The following ERC1 variants were observed in gnomAD, a reference collection of about 807,000 sequenced individuals.
ERC1 encodes the protein ELKS/RAB6-interacting/CAST family member 1, also known as RAB6 interacting protein 2.
ERC1 carries 56 observed loss-of-function variants against 132.0 expected under a neutral mutation model. That is an observed-to-expected ratio of 0.42 (90% CI 0.34 to 0.53). ERC1 has a LOEUF of 0.53. ERC1 is among the 20% of genes least tolerant of loss of function. ERC1 has a pLI of 0.03. For missense variants in ERC1, 1,202 were observed against 1,349.9 expected (o/e 0.89, Z 1.72); for synonymous variants, 478 against 476.1 (o/e 1.00, Z -0.05).
At chr12:1,429,092 A>G (rs73028364) in intron 17 of ERC1, among the ~76,000 whole-genome samples, 9,068 of 152,216 alleles carry the variant, frequency 0.06, 391 homozygotes, top group African/African-American at 0.11. Flanking sequence ...TGTTAGCAAA[A>G]CTTCATTTCT....
rs5795961 is a variant in ERC1 at position 1,143,585 on chromosome 12, C to CTT, written c.1737+1809_1737+1810dup. On this transcript the variant is annotated intron_variant, in intron 8 of 18. Transcript: ENST00000360905. ...CGTTTCTTTTTCAGAAGTGCCCTAGCTTTTTTTTTTTTCTTGGCTATTTTT... is the reference window on the plus strand; with the variant it reads ...CGTTTCTTTTTCAGAAGTGCCCTAGCTTTTTTTTTTTTTTCTTGGCTATTTTT... 2.6e-3 allele frequency among the ~76,000 whole-genome samples: 379 copies of CTT among 143,414 alleles called. 2 individuals are homozygous for CTT. The highest frequency in any genetic ancestry group is 8.8e-3 in the African/African-American group (348 of 39,586). 94.1% of individuals were successfully genotyped at this position (143,414 alleles called of 152,430 possible).
At chr12:1,381,631 A>G (rs76101943) in intron 16 of ERC1, among the ~76,000 whole-genome samples, 5,334 of 152,300 alleles carry the variant, frequency 0.035, 120 homozygotes, top group South Asian at 0.087. Flanking sequence ...CATTACAAAC[A>G]CTAAGATCAA....
chr12:1,319,387 C>G (rs1043178034), intron 15 of ERC1, among the ~76,000 whole-genome samples: 4 of 152,140 alleles, frequency 2.6e-5, no homozygotes, highest in Non-Finnish European at 5.9e-5. Context: ...TTCTCATTCA[C>G]TCACCCCCAA....
intron 1 of ERC1, among the ~76,000 whole-genome samples, chr12:1,005,692 TA>T (rs1592636988): frequency 6.6e-6 from 1 of 152,260 alleles, no homozygotes; most frequent in East Asian, 1.9e-4. Flanking sequence ...CAGCAGTTCT[TA>T]TCTGGTTTCC....
intron 18 of ERC1, among the ~76,000 whole-genome samples, chr12:1,453,152 G>A (rs1482546978): frequency 6.6e-6 from 1 of 152,116 alleles, no homozygotes; most frequent in African/African-American, 2.4e-5. Context: ...TCCAGTCTTG[G>A]TCTTGGTACT....
intron 12 of ERC1, among the ~76,000 whole-genome samples, chr12:1,211,962 G>T (rs1957922468): frequency 6.6e-6 from 1 of 151,072 alleles, no homozygotes; most frequent in African/African-American, 2.5e-5. Flanking sequence ...AACCATAGTA[G>T]CTTGCTTATT....
chr12:1,011,444 G>A (rs1343831742), intron 1 of ERC1, among the ~76,000 whole-genome samples: 1 of 152,130 alleles, frequency 6.6e-6, no homozygotes, highest in Admixed American at 6.6e-5. Flanking sequence ...AGGCTCAAGC[G>A]ATCTGTCTAC....
At chr12:1,396,647 A>G (rs1303386439) in intron 16 of ERC1, among the ~76,000 whole-genome samples, 3 of 152,338 alleles carry the variant, frequency 2.0e-5, no homozygotes, top group Middle Eastern at 3.4e-3. Context: ...GGTTGAGCTC[A>G]TGTGAGAGAA....
chr12:1,281,713 G>A (rs1467196394), intron 14 of ERC1, among the ~76,000 whole-genome samples: 2 of 152,144 alleles, frequency 1.3e-5, no homozygotes, highest in Non-Finnish European at 2.9e-5. Context: ...GATGTAGGCT[G>A]ACTTAAAAAT....
intron 14 of ERC1, among the ~76,000 whole-genome samples, 152 bp from the exon 15 acceptor site, chr12:1,289,698 TAC>T (rs534682114): frequency 6.6e-6 from 1 of 152,204 alleles, no homozygotes; most frequent in African/African-American, 2.4e-5. Context: ...TCTTGATATA[TAC>T]ACACACATAA....
At chr12:1,060,520 G>A (rs556946525) in intron 2 of ERC1, among the ~76,000 whole-genome samples, 80 of 152,070 alleles carry the variant, frequency 5.3e-4, no homozygotes, top group South Asian at 3.1e-3. Context: ...CATTTTTTAC[G>A]GCTGCATAGT....
chr12:1,103,228 G>A lies in ERC1; in HGVS notation c.1087-1522G>A, dbSNP rs191453158. Among the ~76,000 whole-genome samples, 512 of 152,338 alleles carry A rather than the reference G, an allele frequency of 3.4e-3. 4 individuals carry two copies. The highest frequency in any genetic ancestry group is 0.012 in the African/African-American group (481 of 41,574). ...TCTTCCCCTAGCAGCTTGTGCAAAG[G>A]GCTTAAGGATCAGGAGCATGCTTAG... On this transcript the variant is annotated intron_variant, in intron 3 of 18. Coordinates refer to ENST00000360905, the MANE Select transcript of ERC1 (RefSeq NM_178040.4).
intron 18 of ERC1, among the ~76,000 whole-genome samples, chr12:1,486,368 TTTTTC>T (rs2094215379): frequency 6.6e-6 from 1 of 152,134 alleles, no homozygotes; most frequent in Non-Finnish European, 1.5e-5. Context: ...TTCTTGTTTT[TTTTTC>T]TTTATTTTCG....
In ERC1 at chr12:1,479,095, A is replaced by G. The variant is rs537351234; in HGVS notation, c.3214-10998A>G. 1.3e-3 allele frequency among the ~76,000 whole-genome samples: 201 copies of G among 152,308 alleles called. 1 individual carries two copies. Among genetic ancestry groups the G allele is most frequent in the African/African-American group, 4.6e-3 (193 of 41,578 alleles). On this transcript the variant is annotated intron_variant, in intron 18 of 18. Coordinates refer to ENST00000360905, the MANE Select transcript of ERC1 (RefSeq NM_178040.4). ...TTTCCCAGTGCACAGTCAAGTGGCC[A>G]TATACGTGTAGGGTTTTTCCGTGTT...
intron 2 of ERC1, among the ~76,000 whole-genome samples, chr12:1,049,889 A>G (rs1971642105): frequency 2.0e-5 from 3 of 151,670 alleles, no homozygotes; most frequent in Admixed American, 6.6e-5. Context: ...ATTTACAGGC[A>G]TGTGCCACCA....
At chr12:1,317,391 C>CAG (rs111321249) in intron 15 of ERC1, among the ~76,000 whole-genome samples, 5,246 of 151,988 alleles carry the variant, frequency 0.035, 97 homozygotes, top group Middle Eastern at 0.075. Flanking sequence ...ACATCACACA[C>CAG]GGCCTGTCGG....
intron 2 of ERC1, among the ~76,000 whole-genome samples, chr12:1,073,776 C>T (rs1043488630): frequency 1.9e-4 from 29 of 152,136 alleles, no homozygotes; most frequent in African/African-American, 6.5e-4. Flanking sequence ...TGACTGTCAA[C>T]GCATTAGGTT....
At chr12:1,255,337 G>A (rs1361374845) in intron 13 of ERC1, among the ~76,000 whole-genome samples, 1 of 152,126 alleles carries the variant, frequency 6.6e-6, no homozygotes, top group Non-Finnish European at 1.5e-5. Flanking sequence ...GCTTAATCCA[G>A]TCTATCGCTG....
intron 16 of ERC1, among the ~76,000 whole-genome samples, chr12:1,399,158 C>T (rs975823943): frequency 2.6e-5 from 4 of 151,628 alleles, no homozygotes; most frequent in Non-Finnish European, 5.9e-5. Context: ...GGTTATGTTG[C>T]CCAGGCTGGT....
Sources: gnomAD v4.1 joint callset for allele counts (sites outside exome capture counted in the v4.1 genomes callset) on GRCh38, gnomAD v4.1.1 for gene constraint, MANE v1.5 for transcripts, NCBI Gene and HGNC (gene_info 2026-07-23, HGNC 2026-07-21) for gene names.